Variants in ERI2 observed in about 807,000 individuals in gnomAD.
ERI2 encodes the protein ERI1 exoribonuclease 2.
A neutral mutation model predicts 46.8 loss-of-function variants in ERI2; 35 were observed. The ratio of observed to expected loss-of-function variants is 0.75; its 90% confidence interval spans 0.57 to 0.99. ERI2 has a LOEUF of 0.99. Among genes scored for constraint, ERI2 ranks in the 50% least tolerant of loss-of-function variants. ERI2 has a pLI of 0.00. For synonymous variants in ERI2, 224 were observed against 271.0 expected (o/e 0.83, Z 1.70); for missense variants, 695 against 796.2 (o/e 0.87, Z 1.53).
At chr16:20,806,310 C>T (rs2080871455) in intron 1 of ERI2, 98 bp downstream of exon 1, 1 of 1,508,152 alleles carries the variant, frequency 6.6e-7, no homozygotes, top group Non-Finnish European at 8.8e-7. Flanking sequence ...GGAATAGAGG[C>T]CCTCACCGCA....
chr16:20,797,261 T>G lies in ERI2; in HGVS notation c.*463A>C. Reference sequence around the variant, plus strand: ...ATAGAAGCAGTTTCTGAACCAGATCTCTGCTACATAGGTTTTCAAACTTTA... The same window carrying G: ...ATAGAAGCAGTTTCTGAACCAGATCGCTGCTACATAGGTTTTCAAACTTTA... On this transcript the variant is annotated 3_prime_UTR_variant, in exon 9 of 9. Coordinates refer to ENST00000357967, the MANE Select transcript of ERI2 (RefSeq NM_001142725.2). 1.9e-6 allele frequency: 2 copies of G among 1,080,656 alleles called. No homozygotes were observed. The highest frequency in any genetic ancestry group is 2.2e-6 in the Non-Finnish European group (2 of 895,016). The allele number at this position is 1,080,656 out of a possible 1,614,324, so 66.9% of individuals were successfully genotyped here. A position where few individuals can be genotyped will look rare whatever the true frequency, so the allele number is the denominator to read the frequency against.
intron 10 of ERI2, chr16:20,785,048 G>C (rs1465534976): frequency 1.2e-6 from 2 of 1,613,548 alleles, no homozygotes; most frequent in South Asian, 2.2e-5. Context: ...TGACGTGACT[G>C]AAAAATGGAG....
In ERI2 at chr16:20,785,066, A is replaced by G; in HGVS notation, c.895-4332T>C. ...CGTGACTGAAAAATGGAGAAACAAG[A>G]CGGGCCTGGATATCTACGAAGGATA... On this transcript the variant is annotated intron_variant, in intron 10 of 10. Transcript: ENST00000300005. The G allele has an allele frequency of 1.9e-6, 3 of 1,613,690 alleles. No individual in the cohort carries two copies. In the South Asian group the frequency reaches 3.3e-5, roughly 18 times the overall value.
chr16:20,780,762 C>T, intron 10 of ERI2: 1 of 1,614,184 alleles, frequency 6.2e-7, no homozygotes, highest in Non-Finnish European at 8.5e-7. Context: ...ACAATGAGAT[C>T]ATGGCCATAT....
intron 4 of ERI2, among the ~76,000 whole-genome samples, chr16:20,802,240 G>T (rs1455913557): frequency 6.6e-6 from 1 of 151,988 alleles, no homozygotes; most frequent in East Asian, 2.0e-4. Flanking sequence ...TACTCAGGAA[G>T]CTGAGGCATG....
intron 10 of ERI2, among the ~76,000 whole-genome samples, chr16:20,785,487 A>G (rs1276191371): frequency 2.0e-5 from 3 of 152,188 alleles, no homozygotes; most frequent in Non-Finnish European, 4.4e-5. Context: ...AGTTTGCTGG[A>G]CAACTCCTTA....
At chr16:20,794,296 T>G (rs1211485786), downstream of ERI2, among the ~76,000 whole-genome samples, 2 of 152,208 alleles carry the variant, frequency 1.3e-5, no homozygotes, top group African/African-American at 2.4e-5. Flanking sequence ...GGAATATGTG[T>G]CTAGATCACT....
At chr16:20,793,281 C>G (rs545419542), downstream of ERI2, among the ~76,000 whole-genome samples, 1 of 152,124 alleles carries the variant, frequency 6.6e-6, no homozygotes, top group Admixed American at 6.6e-5. Context: ...CAAGCCTGGT[C>G]AACATGGTGA....
chr16:20,782,753 G>A (rs1384064775), intron 10 of ERI2, among the ~76,000 whole-genome samples: 1 of 152,158 alleles, frequency 6.6e-6, no homozygotes, highest in Admixed American at 6.5e-5. Flanking sequence ...CCTTCCTTGG[G>A]TTTAGTAATT....
chr16:20,806,095 A>G (rs2080865876), intron 1 of ERI2: 1 of 1,287,700 alleles, frequency 7.8e-7, no homozygotes, highest in Non-Finnish European at 9.8e-7. Context: ...ACCAGTCTGC[A>G]GGGCACTGTC....
Position 20,797,612 on chromosome 16 carries a change from T to A in ERI2, c.*112A>T. The A allele has an allele frequency of 7.5e-7, 1 of 1,334,474 alleles. No homozygotes were observed. Among genetic ancestry groups the A allele is most frequent in the Non-Finnish European group, 9.6e-7 (1 of 1,044,558 alleles). The allele number at this position is 1,334,474 out of a possible 1,614,324, so 82.7% of individuals were successfully genotyped here. ...CTTGTGGTTCCTGAAGAAAGTATGG[T>A]AAATGCAGTAAACATTAATATATAA... On this transcript the variant is annotated 3_prime_UTR_variant, in exon 9 of 9. Transcript: ENST00000357967.
downstream of ERI2, chr16:20,792,208 T>C (rs2080616308): frequency 1.2e-6 from 2 of 1,613,946 alleles, no homozygotes; most frequent in Non-Finnish European, 1.7e-6. Flanking sequence ...CACTCACCTG[T>C]ATGTATTCCT....
At chr16:20,803,694 T>C (rs1460423670) in intron 1 of ERI2, 24 bp from the exon 2 acceptor site, 3 of 1,611,704 alleles carry the variant, frequency 1.9e-6, no homozygotes, top group Non-Finnish European at 2.5e-6. Context: ...GCAATCCAAA[T>C]ATGATCAATG....
At chr16:20,791,668 T>C (rs1380565608), downstream of ERI2, among the ~76,000 whole-genome samples, 1 of 152,210 alleles carries the variant, frequency 6.6e-6, no homozygotes, top group Non-Finnish European at 1.5e-5. Context: ...GGCTTATGCC[T>C]GTAATCTCAG....
Position 20,780,674 on chromosome 16 carries a change from C to G in ERI2, c.955G>C (p.Ala319Pro), listed in dbSNP as rs770394616. Residue 319 changes from alanine to proline, a missense_variant, in exon 11 of 11, where the codon GCA becomes CCA. Ala to Pro is a conservative substitution (Grantham distance 27). Coordinates refer to the ERI2 transcript ENST00000300005. ...TTTTCAGTGGTAACAGTCTGTGATG[C>G]TGTGTTTAACATGCAGTCATTGTAG... 4 of 1,614,052 alleles carry G rather than the reference C, an allele frequency of 2.5e-6. No homozygotes were observed. The African/African-American group carries it at 5.3e-5, about 22-fold the overall frequency.
At chr16:20,783,812 A>ATTT (rs35116517) in intron 10 of ERI2, among the ~76,000 whole-genome samples, 7 of 147,306 alleles carry the variant, frequency 4.8e-5, no homozygotes, top group African/African-American at 1.2e-4. Context: ...CCCCGTCTCA[A>ATTT]TTTTTTTTTT....
At position 20,798,094 on chromosome 16, in the gene ERI2, G is replaced by T. The variant is rs1040569366; in HGVS notation, c.1706C>A (p.Ser569Tyr). Residue 569 changes from serine (S) to tyrosine (Y), a missense_variant, in exon 9 of 9, where the codon TCC (serine) becomes TAC (tyrosine). By Grantham distance (144) the Ser-to-Tyr change is moderately radical. Transcript: ENST00000357967. The stretch of plus-strand genomic sequence containing the variant: ...TAATATAGATGGGAGACGCCTCCAG[G>T]AAGAACTTCTTACTGGGGAGCAATC... ...SSDCSPVRSS[S>Y]WRRLPSILTS... 2 of 1,551,420 alleles carry T rather than the reference G, an allele frequency of 1.3e-6. No homozygotes were observed. The highest frequency in any genetic ancestry group is 1.7e-6 in the Non-Finnish European group (2 of 1,146,914).
chr16:20,791,374 C>T (rs1044023885), downstream of ERI2, among the ~76,000 whole-genome samples: 3 of 152,168 alleles, frequency 2.0e-5, no homozygotes, highest in African/African-American at 7.2e-5. Context: ...CTCTCTTTTC[C>T]TACCAGCATT....
chr16:20,800,279 A>G lies in ERI2; in HGVS notation c.561+23T>C. ...CATTTTTCCATAGAAAAAAGTAAAC[A>G]TGCCCCCATTTTTTACCATTACCTT... is the stretch of plus-strand genomic sequence containing the variant. On this transcript the variant is annotated intron_variant, in intron 6 of 8. Coordinates refer to ENST00000357967, the MANE Select transcript of ERI2 (RefSeq NM_001142725.2). 2.0e-6 allele frequency: 3 copies of G among 1,501,394 alleles called. No homozygotes were observed. The South Asian group carries it at 3.5e-5, about 17-fold the overall frequency. 93.0% of individuals were successfully genotyped at this position (1,501,394 alleles called of 1,614,324 possible).
Sources: allele counts gnomAD v4.1 joint callset (sites outside exome capture counted in the v4.1 genomes callset), GRCh38; gene constraint gnomAD v4.1.1; transcripts MANE v1.5; gene names NCBI Gene and HGNC (gene_info 2026-07-23, HGNC 2026-07-21).